GPHN: variants seen among roughly 807,000 people sequenced by gnomAD.
The protein encoded by GPHN is gephyrin.
GPHN carries 17 observed loss-of-function variants against 95.5 expected under a neutral mutation model. The ratio of observed to expected loss-of-function variants is 0.18; its 90% confidence interval spans 0.12 to 0.27. The LOEUF is 0.27. Among genes scored for constraint, GPHN ranks in the 10% least tolerant of loss-of-function variants. GPHN has a pLI of 1.00. For synonymous variants in GPHN, 320 were observed against 322.5 expected (o/e 0.99, Z 0.08); for missense variants, 660 against 978.1 (o/e 0.67, Z 4.34).
At chr14:66,811,903 T>C (rs117959032) in intron 3 of GPHN, among the ~76,000 whole-genome samples, 1,835 of 152,246 alleles carry the variant, frequency 0.012, 19 homozygotes, top group Non-Finnish European at 0.018. Flanking sequence ...AAAGAAACAA[T>C]AACTATCTGA....
chr14:66,957,993 G>A (rs767244293), intron 8 of GPHN, among the ~76,000 whole-genome samples: 48 of 152,112 alleles, frequency 3.2e-4, no homozygotes, highest in Admixed American at 1.4e-3. Context: ...CCCCCAGTCC[G>A]TAGAAAAATT....
At chr14:67,558,606 A>T in the GPHN span, among the ~76,000 whole-genome samples, 1 of 152,220 alleles carries the variant, frequency 6.6e-6, no homozygotes, top group Non-Finnish European at 1.5e-5. Context: ...AGGTCATTTT[A>T]CAATTGGAAT....
chr14:66,653,171 A>C (rs2153366991), intron 1 of GPHN, among the ~76,000 whole-genome samples: 1 of 152,076 alleles, frequency 6.6e-6, no homozygotes. Flanking sequence ...TGTCAGTAGT[A>C]CCTTTCTATC....
chr14:67,235,850 G>T, the GPHN span, among the ~76,000 whole-genome samples: 1 of 152,026 alleles, frequency 6.6e-6, no homozygotes, highest in African/African-American at 2.4e-5. Flanking sequence ...CTACCCTGAG[G>T]CTTTTGTTGA....
chr14:67,118,861 G>T (rs899166036), intron 16 of GPHN, among the ~76,000 whole-genome samples: 1 of 152,094 alleles, frequency 6.6e-6, no homozygotes, highest in Non-Finnish European at 1.5e-5. Flanking sequence ...AAGTGCCTTC[G>T]GCTAAAAAAT....
At chr14:67,340,827 C>T in the GPHN span, among the ~76,000 whole-genome samples, 3 of 152,340 alleles carry the variant, frequency 2.0e-5, no homozygotes, top group African/African-American at 7.2e-5. Flanking sequence ...GCGCGTGCCG[C>T]CACGCCTGAC....
the GPHN span, among the ~76,000 whole-genome samples, chr14:67,281,957 G>A: frequency 5.4e-3 from 823 of 152,134 alleles, 8 homozygotes; most frequent in African/African-American, 0.018. Context: ...ATTTAAGGCA[G>A]TTTTGTGTAT....
At chr14:67,004,461 T>G (rs941507253) in intron 9 of GPHN, among the ~76,000 whole-genome samples, 5 of 151,768 alleles carry the variant, frequency 3.3e-5, no homozygotes, top group Non-Finnish European at 1.5e-5. Flanking sequence ...GCCTTAATGA[T>G]TTTACAAATT....
chr14:67,383,621 C>A, the GPHN span: 2 of 772,060 alleles, frequency 2.6e-6, no homozygotes, highest in Non-Finnish European at 4.1e-6. Context: ...GCTGTTGTCA[C>A]ACAGTAGCTC....
chr14:67,694,168 G>A, the GPHN span, among the ~76,000 whole-genome samples: 1 of 152,020 alleles, frequency 6.6e-6, no homozygotes, highest in South Asian at 2.1e-4. Flanking sequence ...AGCCATTGAA[G>A]CTACCTGCAT....
intron 5 of GPHN, among the ~76,000 whole-genome samples, chr14:66,893,830 A>G (rs1378769655): frequency 6.6e-6 from 1 of 152,242 alleles, no homozygotes; most frequent in Admixed American, 6.5e-5. Flanking sequence ...CTCTTCAAGG[A>G]GAACTACAAA....
At chr14:67,733,151 AC>A in the GPHN span, among the ~76,000 whole-genome samples, 1 of 151,970 alleles carries the variant, frequency 6.6e-6, no homozygotes, top group Non-Finnish European at 1.5e-5. Flanking sequence ...ACAAAAAAAA[AC>A]ATGATGAGAA....
chr14:66,920,678 C>G (rs1209095286), intron 6 of GPHN, among the ~76,000 whole-genome samples: 1 of 151,222 alleles, frequency 6.6e-6, no homozygotes, highest in Non-Finnish European at 1.5e-5. Flanking sequence ...TTGTGAGATC[C>G]TGGTGCACCC....
At chr14:67,359,028 T>G in the GPHN span, among the ~76,000 whole-genome samples, 1 of 152,296 alleles carries the variant, frequency 6.6e-6, no homozygotes, top group African/African-American at 2.4e-5. Flanking sequence ...TGACCGGTAT[T>G]AACACAGGTC....
chr14:67,198,066 A>G, the GPHN span: 5,314 of 1,473,932 alleles, frequency 3.6e-3, 16 homozygotes, highest in Non-Finnish European at 3.8e-3. Flanking sequence ...GAATTAATAA[A>G]TAAATGAAGC....
chr14:67,533,344 C>T, the GPHN span: 7 of 151,450 alleles, frequency 4.6e-5, no homozygotes, highest in Non-Finnish European at 8.9e-5. Flanking sequence ...CGGCGGCGGC[C>T]CGAGGGCGCC....
chr14:67,120,574 C>G (rs1273765289), intron 16 of GPHN, among the ~76,000 whole-genome samples: 1 of 152,090 alleles, frequency 6.6e-6, no homozygotes, highest in Non-Finnish European at 1.5e-5. Context: ...AGAAAACACC[C>G]TGATAACAGA....
At chr14:66,571,044 C>A (rs1052153040) in intron 1 of GPHN, among the ~76,000 whole-genome samples, 1 of 152,000 alleles carries the variant, frequency 6.6e-6, no homozygotes, top group Non-Finnish European at 1.5e-5. Context: ...TGTATTAGTC[C>A]GTTTTCACAC....
intron 11 of GPHN, among the ~76,000 whole-genome samples, chr14:67,064,739 C>T (rs1170183508): frequency 6.6e-6 from 1 of 152,124 alleles, no homozygotes; most frequent in Non-Finnish European, 1.5e-5. Flanking sequence ...TTATGGTATT[C>T]TCTGATGGTA....
Sources: allele counts gnomAD v4.1 joint callset (sites outside exome capture counted in the v4.1 genomes callset), GRCh38; gene constraint gnomAD v4.1.1; transcripts MANE v1.5; gene names NCBI Gene and HGNC (gene_info 2026-07-23, HGNC 2026-07-21).